Variants in HS1BP3 observed in about 807,000 individuals in gnomAD.
HS1BP3 encodes HCLS1 binding protein 3.
In HS1BP3, 32 loss-of-function variants were observed where a neutral mutation model predicts 33.5. That is an observed-to-expected ratio of 0.95 (90% CI 0.72 to 1.28). The LOEUF (loss-of-function observed/expected upper bound fraction) is 1.28. Ranked by LOEUF, HS1BP3 falls within the 50% of genes most tolerant of loss-of-function variation. The pLI, the probability that HS1BP3 is intolerant of heterozygous loss-of-function variation, is 0.00. For synonymous variants in HS1BP3, 187 were observed against 209.2 expected (o/e 0.89, Z 0.92); for missense variants, 486 against 502.3 (o/e 0.97, Z 0.31).
At chr2:20,582,814 A>T (rs1192336592) in intron 5 of HS1BP3, among the ~76,000 whole-genome samples, 1 of 152,100 alleles carries the variant, frequency 6.6e-6, no homozygotes, top group African/African-American at 2.4e-5. Context: ...GTCACACAGG[A>T]ACAAACGCCC....
intron 1 of HS1BP3, among the ~76,000 whole-genome samples, chr2:20,649,727 G>A (rs1041271839): frequency 2.0e-5 from 3 of 152,206 alleles, no homozygotes; most frequent in Non-Finnish European, 2.9e-5. Context: ...GGGCTAAGGC[G>A]TTTGGACTCA....
Position 20,618,798 on chromosome 2 carries a change from G to T in HS1BP3, c.*189C>A, listed in dbSNP as rs369322246. 3 of 1,400,946 alleles carry T rather than the reference G, an allele frequency of 2.1e-6. No homozygotes were observed. The highest frequency in any genetic ancestry group is 2.8e-6 in the Non-Finnish European group (3 of 1,082,506). 86.8% of individuals were successfully genotyped at this position (1,400,946 alleles called of 1,614,324 possible). On this transcript the variant is annotated 3_prime_UTR_variant, in exon 7 of 7. Coordinates refer to ENST00000304031, the MANE Select transcript of HS1BP3 (RefSeq NM_022460.4). ...AGGGTGAGAGCCGCTCCCGCAGCCC[G>T]CAGGCTTCTACTTTGGCCCCACAGC... is the stretch of plus-strand genomic sequence containing the variant.
intron 5 of HS1BP3, among the ~76,000 whole-genome samples, chr2:20,576,899 T>C (rs916702048): frequency 6.6e-6 from 1 of 152,238 alleles, no homozygotes; most frequent in Non-Finnish European, 1.5e-5. Context: ...GAAGGACACC[T>C]AGTCATATCC....
At chr2:20,644,770 G>GTCCA (rs977827158) in intron 2 of HS1BP3, among the ~76,000 whole-genome samples, 1 of 152,080 alleles carries the variant, frequency 6.6e-6, no homozygotes, top group Non-Finnish European at 1.5e-5. Flanking sequence ...AGGCAAAAGG[G>GTCCA]TCCACGTCAC....
chr2:20,644,800 C>T (rs570911109), intron 2 of HS1BP3, among the ~76,000 whole-genome samples: 1 of 152,292 alleles, frequency 6.6e-6, no homozygotes, highest in African/African-American at 2.4e-5. Context: ...TAAAACTCTC[C>T]TTGGCTGCAG....
At chr2:20,638,724 C>A in intron 3 of HS1BP3, 72 bp from the exon 4 acceptor site, 1 of 1,199,772 alleles carries the variant, frequency 8.3e-7, no homozygotes, top group Admixed American at 2.0e-5. Flanking sequence ...TGCCACACTG[C>A]ACCCTCCCAT....
chr2:20,577,738 C>T (rs529593872), intron 5 of HS1BP3, among the ~76,000 whole-genome samples: 2 of 152,326 alleles, frequency 1.3e-5, no homozygotes, highest in Admixed American at 1.3e-4. Flanking sequence ...TGCCAGGCCT[C>T]TGAACCTCAG....
chr2:20,583,433 G>A (rs1558322464), intron 5 of HS1BP3, among the ~76,000 whole-genome samples: 1 of 141,070 alleles, frequency 7.1e-6, no homozygotes, highest in Non-Finnish European at 1.5e-5. Context: ...AGGGAGGGGC[G>A]CAGTTGGTTC....
In HS1BP3 at chr2:20,648,114, G is replaced by A. The variant is rs1008741104; in HGVS notation, c.33-2609C>T. Among the ~76,000 whole-genome samples, 8 of 152,344 alleles carry A rather than the reference G, an allele frequency of 5.3e-5. No individual in the cohort carries two copies. The South Asian group carries it at 8.3e-4, about 16-fold the overall frequency. On this transcript the variant is annotated intron_variant, in intron 1 of 6. Transcript: ENST00000304031. ...CTCCCACCTACTGAAGGACATAGCTGCTGCAGCTCACCCCTCTTTTTCGCA... is the reference window on the plus strand; with the variant it reads ...CTCCCACCTACTGAAGGACATAGCTACTGCAGCTCACCCCTCTTTTTCGCA...
downstream of HS1BP3, among the ~76,000 whole-genome samples, chr2:20,557,472 A>G (rs948400345): frequency 2.2e-4 from 33 of 152,206 alleles, no homozygotes; most frequent in African/African-American, 7.2e-4. Context: ...TCATTAGTTC[A>G]GTATAATCCT....
intron 5 of HS1BP3, among the ~76,000 whole-genome samples, chr2:20,573,277 G>C (rs930846445): frequency 2.0e-5 from 3 of 152,164 alleles, no homozygotes; most frequent in Non-Finnish European, 4.4e-5. Context: ...CCTTCAGAGG[G>C]AGCATGGGCC....
At chr2:20,627,515 T>C (rs1694824966) in intron 4 of HS1BP3, among the ~76,000 whole-genome samples, 1 of 152,230 alleles carries the variant, frequency 6.6e-6, no homozygotes, top group African/African-American at 2.4e-5. Context: ...GCACCTGGTC[T>C]GGACAGCACA....
At chr2:20,631,061 G>A (rs1694951669) in intron 4 of HS1BP3, among the ~76,000 whole-genome samples, 1 of 152,180 alleles carries the variant, frequency 6.6e-6, no homozygotes, top group Non-Finnish European at 1.5e-5. Context: ...GGAAGAAGGA[G>A]GCAAATGACA....
intron 6 of HS1BP3, among the ~76,000 whole-genome samples, chr2:20,619,743 A>T (rs1694537766): frequency 6.6e-6 from 1 of 152,114 alleles, no homozygotes; most frequent in East Asian, 1.9e-4. Context: ...CCTCGAGGGG[A>T]TGGTATGTGA....
chr2:20,593,052 G>C (rs1222635715), intron 3 of HS1BP3, among the ~76,000 whole-genome samples: 3 of 152,026 alleles, frequency 2.0e-5, no homozygotes, highest in South Asian at 2.1e-4. Flanking sequence ...ACCTCCCGCT[G>C]TCTACCCCAC....
chr2:20,613,285 G>A (rs781773163), downstream of HS1BP3, among the ~76,000 whole-genome samples: 44 of 152,256 alleles, frequency 2.9e-4, no homozygotes, highest in Non-Finnish European at 5.7e-4. Context: ...TGAGAAGGCA[G>A]CAGTAAAGGC....
chr2:20,633,819 G>A (rs1430767022), intron 4 of HS1BP3, among the ~76,000 whole-genome samples: 4 of 152,196 alleles, frequency 2.6e-5, no homozygotes, highest in East Asian at 3.9e-4. Flanking sequence ...TGCTGCGTCC[G>A]GCCACGGCAG....
chr2:20,645,602 G>T, intron 1 of HS1BP3, 97 bp from the exon 2 acceptor site: 2 of 1,241,660 alleles, frequency 1.6e-6, no homozygotes, highest in Non-Finnish European at 2.2e-6. Context: ...GGCAGGCCTG[G>T]GTGCCAGGTG....
chr2:20,580,149 C>A (rs1256866359), intron 5 of HS1BP3, among the ~76,000 whole-genome samples: 4 of 152,272 alleles, frequency 2.6e-5, no homozygotes, highest in Admixed American at 2.6e-4. Context: ...CTAAGCTGGG[C>A]AGAGATGCAA....
Sources: gnomAD v4.1 joint callset for allele counts (sites outside exome capture counted in the v4.1 genomes callset) on GRCh38, gnomAD v4.1.1 for gene constraint, MANE v1.5 for transcripts, NCBI Gene and HGNC (gene_info 2026-07-23, HGNC 2026-07-21) for gene names.